Variants in SH3RF3 observed in about 807,000 individuals in gnomAD.
SH3RF3 encodes the protein SH3 domain containing ring finger 3, also known as E3 ubiquitin-protein ligase SH3RF3.
A neutral mutation model predicts 66.3 loss-of-function variants in SH3RF3; 29 were observed. That is an observed-to-expected ratio of 0.44 (90% CI 0.33 to 0.60). The LOEUF is 0.60. SH3RF3 is among the 20% of genes least tolerant of loss of function. SH3RF3 has a pLI of 0.04. For synonymous variants in SH3RF3, 583 were observed against 532.0 expected, an observed-to-expected ratio of 1.10 and a Z score of -1.32; for missense variants, 1,194 against 1,190.9, an observed-to-expected ratio of 1.00 and a Z score of -0.04.
At position 109,233,582 on chromosome 2, in the gene SH3RF3, C is replaced by T. The variant is rs150866983; in HGVS notation, c.573+103469C>T. Among the ~76,000 whole-genome samples, 403 of 152,292 alleles carry T rather than the reference C, an allele frequency of 2.6e-3. 2 individuals carry two copies. The highest frequency in any genetic ancestry group is 9.3e-3 in the African/African-American group (387 of 41,562). On this transcript the variant is annotated intron_variant, in intron 1 of 9. Coordinates refer to ENST00000309415, the MANE Select transcript of SH3RF3 (RefSeq NM_001099289.3). ...CAGGGATAACTGTTCTCATTTAGGG[C>T]CATGGTGTCCAGGCTTGAGGGTGGG...
Position 109,501,579 on chromosome 2 carries a change from C to A in SH3RF3, c.2557C>A (p.His853Asn). 1 of 779,690 alleles carries A rather than the reference C, an allele frequency of 1.3e-6. No homozygotes were observed. Among genetic ancestry groups the A allele is most frequent in the Non-Finnish European group, 2.4e-6 (1 of 417,554 alleles). 48.3% of individuals were successfully genotyped at this position (779,690 alleles called of 1,614,324 possible). The change falls in exon 10 of 10, where the codon CAC (histidine) becomes AAC (asparagine). Residue 853 changes from histidine (H) to asparagine (N), a missense_variant. By Grantham distance (68) the His-to-Asn change is moderately conservative. Coordinates refer to ENST00000309415, the MANE Select transcript of SH3RF3 (RefSeq NM_001099289.3). The part of the protein sequence containing the change: ...ELKEGDIVFV[H>N]KKREDGWYKG... ...GAAGGAAGGCGACATCGTCTTTGTG[C>A]ACAAGAAGCGTGAGGACGGCTGGTA...
intron 8 of SH3RF3, among the ~76,000 whole-genome samples, chr2:109,480,120 A>C (rs974079307): frequency 6.6e-6 from 1 of 152,234 alleles, no homozygotes; most frequent in Non-Finnish European, 1.5e-5. Flanking sequence ...CTTTTCCAAC[A>C]TAGTGAGAAA....
At chr2:109,268,099 T>A (rs1477317522) in intron 1 of SH3RF3, among the ~76,000 whole-genome samples, 9 of 151,018 alleles carry the variant, frequency 6.0e-5, no homozygotes, top group Non-Finnish European at 1.2e-4. Flanking sequence ...AAGGGGCCGA[T>A]GGGGAGGAAG....
intron 4 of SH3RF3, among the ~76,000 whole-genome samples, chr2:109,400,614 C>T (rs1269842493): frequency 1.3e-5 from 2 of 151,958 alleles, no homozygotes; most frequent in Non-Finnish European, 2.9e-5. Flanking sequence ...TGCGTCCCTT[C>T]CACATACACA....
chr2:109,399,012 G>A, intron 4 of SH3RF3, 69 bp downstream of exon 4: 5 of 1,457,638 alleles, frequency 3.4e-6, no homozygotes, highest in Non-Finnish European at 2.8e-6. Flanking sequence ...TCCGTGTTCA[G>A]TGTCCCCCGT....
At chr2:109,312,976 T>TC (rs1373695621) in intron 1 of SH3RF3, among the ~76,000 whole-genome samples, 1 of 152,178 alleles carries the variant, frequency 6.6e-6, no homozygotes, top group Non-Finnish European at 1.5e-5. Context: ...GGATTTCACT[T>TC]TTATCTACAG....
At chr2:109,389,762 A>AT (rs1675931025) in intron 3 of SH3RF3, among the ~76,000 whole-genome samples, 1 of 152,214 alleles carries the variant, frequency 6.6e-6, no homozygotes, top group East Asian at 1.9e-4. Context: ...TACACATTAC[A>AT]TATGTATAAT....
At chr2:109,241,698 C>T (rs1477733184) in intron 1 of SH3RF3, among the ~76,000 whole-genome samples, 1 of 152,028 alleles carries the variant, frequency 6.6e-6, no homozygotes, top group East Asian at 1.9e-4. Context: ...CCCTGCAGTC[C>T]CTCTTCTCTG....
chr2:109,242,382 C>A (rs561623778), intron 1 of SH3RF3, among the ~76,000 whole-genome samples: 5 of 152,186 alleles, frequency 3.3e-5, no homozygotes, highest in Admixed American at 3.3e-4. Context: ...CTGTCTGTGT[C>A]GTGCCTCGTT....
chr2:109,238,207 A>T lies in SH3RF3; in HGVS notation c.573+108094A>T, dbSNP rs186364020. ...AGAGTGAAGCCTGTCTCTTAAAAAA[A>T]AATAATAAAATAAAATGGTTTTTAT... is the stretch of plus-strand genomic sequence containing the variant. On this transcript the variant is annotated intron_variant, in intron 1 of 9. Transcript: ENST00000309415. Among the ~76,000 whole-genome samples the T allele has an allele frequency of 3.4e-3, 523 of 152,318 alleles. 4 individuals carry two copies. Among genetic ancestry groups the T allele is most frequent in the African/African-American group, 0.012 (491 of 41,546 alleles).
chr2:109,338,798 T>A (rs2105518545), intron 1 of SH3RF3, among the ~76,000 whole-genome samples: 1 of 152,280 alleles, frequency 6.6e-6, no homozygotes, highest in East Asian at 1.9e-4. Context: ...CCTCAGGTGA[T>A]CCACCCGCCT....
intron 1 of SH3RF3, among the ~76,000 whole-genome samples, chr2:109,251,947 C>G (rs1041689668): frequency 6.6e-6 from 1 of 152,048 alleles, no homozygotes; most frequent in African/African-American, 2.4e-5. Context: ...CCAAATAAAA[C>G]AAGATAAAAC....
chr2:109,341,061 G>A (rs371670175), intron 1 of SH3RF3, among the ~76,000 whole-genome samples: 9 of 152,218 alleles, frequency 5.9e-5, no homozygotes, highest in African/African-American at 1.2e-4. Flanking sequence ...AGGGCAAGTC[G>A]TGTTTTCATC....
chr2:109,455,662 A>T (rs1202108911), intron 8 of SH3RF3, among the ~76,000 whole-genome samples: 3 of 152,204 alleles, frequency 2.0e-5, no homozygotes, highest in Non-Finnish European at 4.4e-5. Flanking sequence ...TAAAGTGAAG[A>T]ATCGCTGGCT....
intron 9 of SH3RF3, among the ~76,000 whole-genome samples, chr2:109,493,708 A>G (rs1466197380): frequency 6.6e-6 from 1 of 151,884 alleles, no homozygotes; most frequent in African/African-American, 2.4e-5. Flanking sequence ...CACCATACAT[A>G]CACACCATAA....
At chr2:109,439,163 C>A (rs1677494014) in intron 7 of SH3RF3, among the ~76,000 whole-genome samples, 1 of 152,176 alleles carries the variant, frequency 6.6e-6, no homozygotes, top group African/African-American at 2.4e-5. Context: ...GGCTGTGGGG[C>A]AGTGCAACAT....
intron 1 of SH3RF3, among the ~76,000 whole-genome samples, chr2:109,258,117 A>G (rs529493392): frequency 1.3e-5 from 2 of 152,296 alleles, no homozygotes; most frequent in East Asian, 3.9e-4. Context: ...CGGCCCAGAC[A>G]TTGGAAACAC....
chr2:109,281,608 T>A (rs1558999464), intron 1 of SH3RF3, among the ~76,000 whole-genome samples: 1 of 152,178 alleles, frequency 6.6e-6, no homozygotes, highest in Non-Finnish European at 1.5e-5. Context: ...CCAGGTCTGC[T>A]GTTTGGTAAA....
At chr2:109,408,861 G>C (rs891318786) in intron 4 of SH3RF3, among the ~76,000 whole-genome samples, 1 of 152,218 alleles carries the variant, frequency 6.6e-6, no homozygotes, top group Non-Finnish European at 1.5e-5. Context: ...CGCACAGGGA[G>C]GGGGGTCCAG....
Sources: gnomAD v4.1 joint callset for allele counts (sites outside exome capture counted in the v4.1 genomes callset) on GRCh38, gnomAD v4.1.1 for gene constraint, MANE v1.5 for transcripts, NCBI Gene and HGNC (gene_info 2026-07-23, HGNC 2026-07-21) for gene names.